LY86: variants seen among roughly 807,000 people sequenced by gnomAD.
The protein encoded by LY86 is MD-1, RP105-associated.
In LY86, 20 loss-of-function variants were observed where a neutral mutation model predicts 17.3. The observed-to-expected ratio is 1.15, with a 90% CI of 0.81 to 1.68. The LOEUF (loss-of-function observed/expected upper bound fraction) is 1.68. LY86 is among the 40% of genes most tolerant of loss of function. The pLI is 0.00. For missense variants in LY86, 200 were observed against 191.9 expected (o/e 1.04, Z -0.25); for synonymous variants, 74 against 70.6 (o/e 1.05, Z -0.24).
chr6:6,602,785 T>A (rs1760952836), intron 1 of LY86, among the ~76,000 whole-genome samples: 1 of 152,190 alleles, frequency 6.6e-6, no homozygotes, highest in Admixed American at 6.5e-5. Context: ...GCTGTTCCTG[T>A]AGGCATTAAC....
intron 4 of LY86, among the ~76,000 whole-genome samples, chr6:6,652,059 A>C (rs1356334118): frequency 1.1e-5 from 1 of 94,888 alleles, no homozygotes; most frequent in Non-Finnish European, 2.1e-5. Flanking sequence ...CCATCTCAAA[A>C]AAAAAAAAAA....
chr6:6,638,451 A>G (rs1761991500), intron 3 of LY86, among the ~76,000 whole-genome samples: 1 of 152,234 alleles, frequency 6.6e-6, no homozygotes, highest in Admixed American at 6.5e-5. Flanking sequence ...TATGACAGCC[A>G]CAAGTCACAT....
chr6:6,589,080 GAAC>G (rs1298943580), intron 1 of LY86, among the ~76,000 whole-genome samples: 2 of 152,174 alleles, frequency 1.3e-5, no homozygotes, highest in Non-Finnish European at 2.9e-5. Context: ...GAGAATGGCA[GAAC>G]AACAAAGAGT....
chr6:6,612,424 A>C (rs1761392655), intron 1 of LY86, among the ~76,000 whole-genome samples: 2 of 152,180 alleles, frequency 1.3e-5, no homozygotes, highest in Non-Finnish European at 2.9e-5. Flanking sequence ...TGGCCTCATA[A>C]AAGAAACCGC....
At chr6:6,624,323 A>G (rs1275765705) in intron 1 of LY86, among the ~76,000 whole-genome samples, 1 of 139,980 alleles carries the variant, frequency 7.1e-6, no homozygotes, top group East Asian at 2.1e-4. Context: ...ATCATATCTA[A>G]CACAATACCT....
chr6:6,630,129 A>G (rs187764430), intron 3 of LY86, among the ~76,000 whole-genome samples: 1 of 152,372 alleles, frequency 6.6e-6, no homozygotes, highest in East Asian at 1.9e-4. Flanking sequence ...GCTTGCTTTT[A>G]TGATAAATTT....
chr6:6,617,272 G>A (rs1024049141), intron 1 of LY86, among the ~76,000 whole-genome samples: 1 of 152,126 alleles, frequency 6.6e-6, no homozygotes, highest in Admixed American at 6.5e-5. Flanking sequence ...GTTCCACCAC[G>A]GCTAGCACAG....
chr6:6,640,491 G>C (rs1428676892), intron 3 of LY86, among the ~76,000 whole-genome samples: 2 of 152,110 alleles, frequency 1.3e-5, no homozygotes, highest in Non-Finnish European at 2.9e-5. Context: ...GGCTGCGGCA[G>C]GGAGGATTTC....
Position 6,610,349 on chromosome 6 carries a change from G to A in LY86, c.137-14577G>A, listed in dbSNP as rs142022329. Reference sequence around the variant, plus strand: ...TAAAAAGATTTTATTTTAAAAAAATGGCCTGAAGCTCTTGAGCCTGAGGCT... The same window carrying A: ...TAAAAAGATTTTATTTTAAAAAAATAGCCTGAAGCTCTTGAGCCTGAGGCT... On this transcript the variant is annotated intron_variant, in intron 1 of 4. Transcript: ENST00000230568. Among the ~76,000 whole-genome samples the A allele has an allele frequency of 2.0e-5, 3 of 152,216 alleles. No individual in the cohort carries two copies. The East Asian group carries it at 5.8e-4, about 29-fold the overall frequency.
chr6:6,620,613 G>T (rs993678106), intron 1 of LY86, among the ~76,000 whole-genome samples: 1 of 152,192 alleles, frequency 6.6e-6, no homozygotes, highest in Non-Finnish European at 1.5e-5. Flanking sequence ...ATTGGATTTT[G>T]TCTTCTTCCT....
chr6:6,644,472 C>T (rs557137955), intron 3 of LY86, among the ~76,000 whole-genome samples: 356 of 151,792 alleles, frequency 2.3e-3, no homozygotes, highest in African/African-American at 7.7e-3. Context: ...TGCAATGAAC[C>T]GAGATTGCAC....
intron 1 of LY86, among the ~76,000 whole-genome samples, chr6:6,610,227 G>GTT (rs751889254): frequency 6.6e-6 from 1 of 152,238 alleles, no homozygotes; most frequent in Non-Finnish European, 1.5e-5. Flanking sequence ...TTGATACGTG[G>GTT]TTCTGTAAGA....
intron 1 of LY86, chr6:6,622,531 G>C (rs1025686114): frequency 6.6e-6 from 1 of 152,170 alleles, no homozygotes; most frequent in Non-Finnish European, 1.5e-5. Flanking sequence ...GAGATACTTA[G>C]GAAGGAGTCC....
chr6:6,638,000 G>C (rs1444382198), intron 3 of LY86, among the ~76,000 whole-genome samples: 1 of 152,216 alleles, frequency 6.6e-6, no homozygotes, highest in African/African-American at 2.4e-5. Flanking sequence ...GTATCTCTCA[G>C]AGGGGGAAGC....
At chr6:6,633,947 G>A (rs1055189810) in intron 3 of LY86, among the ~76,000 whole-genome samples, 8 of 152,136 alleles carry the variant, frequency 5.3e-5, no homozygotes, top group Non-Finnish European at 1.0e-4. Flanking sequence ...ATGAATTAGA[G>A]TATCTGTAGG....
intron 3 of LY86, among the ~76,000 whole-genome samples, chr6:6,637,277 C>A (rs1163919646): frequency 6.6e-6 from 1 of 152,088 alleles, no homozygotes; most frequent in Non-Finnish European, 1.5e-5. Context: ...TCCCAAAGTG[C>A]TGGGATTACA....
chr6:6,610,197 CCA>C (rs1455814825), intron 1 of LY86, among the ~76,000 whole-genome samples: 1 of 152,194 alleles, frequency 6.6e-6, no homozygotes, highest in African/African-American at 2.4e-5. Context: ...GTAGAGTACA[CCA>C]GTGTCAATGA....
At chr6:6,610,314 T>C (rs1044233999) in intron 1 of LY86, among the ~76,000 whole-genome samples, 14 of 152,150 alleles carry the variant, frequency 9.2e-5, no homozygotes, top group African/African-American at 3.4e-4. Flanking sequence ...TGTCTATCAT[T>C]ATTTCAAGAT....
intron 1 of LY86, among the ~76,000 whole-genome samples, chr6:6,605,675 C>T (rs370126482): frequency 1.1e-4 from 16 of 152,358 alleles, no homozygotes; most frequent in East Asian, 5.8e-4. Context: ...TTGATGGGTT[C>T]TTCATCTCAC....
Sources: allele counts gnomAD v4.1 joint callset (sites outside exome capture counted in the v4.1 genomes callset), GRCh38; gene constraint gnomAD v4.1.1; transcripts MANE v1.5; gene names NCBI Gene and HGNC (gene_info 2026-07-23, HGNC 2026-07-21).